STX3: variants seen among roughly 807,000 people sequenced by gnomAD.
STX3 encodes the protein syntaxin 3.
Under a neutral mutation model 40.2 loss-of-function variants are expected in STX3, and 19 were observed. The observed-to-expected ratio is 0.47, with a 90% CI of 0.33 to 0.69. The LOEUF is 0.69. STX3 is among the 30% of genes least tolerant of loss of function. The pLI is 0.02. For synonymous variants in STX3, 122 were observed against 132.2 expected, an observed-to-expected ratio of 0.92 and a Z score of 0.53; for missense variants, 364 against 366.7, an observed-to-expected ratio of 0.99 and a Z score of 0.06.
upstream of STX3, chr11:59,754,759 G>GT: frequency 6.6e-6 from 1 of 152,294 alleles, no homozygotes; most frequent in Admixed American, 6.5e-5. Context: ...TCTGCAAATT[G>GT]TGAGTGCCAA....
chr11:59,792,304 G>GACT, intron 6 of STX3, 89 bp downstream of exon 6: 1 of 1,101,266 alleles, frequency 9.1e-7, no homozygotes, highest in Non-Finnish European at 1.4e-6. Context: ...GGAGCAAGCA[G>GACT]GAAGCACATT....
At chr11:59,766,992 T>C (rs1305021375) in intron 1 of STX3, among the ~76,000 whole-genome samples, 1 of 152,166 alleles carries the variant, frequency 6.6e-6, no homozygotes, top group Admixed American at 6.5e-5. Context: ...TATGAGCTAA[T>C]GAAGAGAGGA....
chr11:59,774,854 A>G (rs1205039260), intron 2 of STX3, among the ~76,000 whole-genome samples: 1 of 152,116 alleles, frequency 6.6e-6, no homozygotes, highest in African/African-American at 2.4e-5. Context: ...AACAACAAAA[A>G]CCAAGAGGAA....
intron 1 of STX3, 118 bp downstream of exon 1, chr11:59,755,753 A>G: frequency 7.4e-7 from 1 of 1,346,438 alleles, no homozygotes; most frequent in Non-Finnish European, 9.7e-7. Context: ...GCCCTCCCCA[A>G]GCCCCCACCG....
At chr11:59,772,257 A>G (rs1454986118) in intron 1 of STX3, among the ~76,000 whole-genome samples, 2 of 152,240 alleles carry the variant, frequency 1.3e-5, no homozygotes, top group African/African-American at 4.8e-5. Context: ...GTGCTTAGAA[A>G]TCAGCAATGT....
chr11:59,771,724 A>G (rs915270177), intron 1 of STX3, among the ~76,000 whole-genome samples: 3 of 152,100 alleles, frequency 2.0e-5, no homozygotes, highest in African/African-American at 7.2e-5. Context: ...TAGAGTGTGC[A>G]TCATAGAAGG....
At chr11:59,774,586 A>G (rs1863849833) in intron 2 of STX3, among the ~76,000 whole-genome samples, 1 of 152,170 alleles carries the variant, frequency 6.6e-6, no homozygotes, top group African/African-American at 2.4e-5. Context: ...TAATCCCAGC[A>G]CTTTGGGGGG....
intron 1 of STX3, among the ~76,000 whole-genome samples, chr11:59,759,800 A>G (rs1411582229): frequency 4.6e-5 from 7 of 152,212 alleles, no homozygotes; most frequent in Non-Finnish European, 2.9e-5. Flanking sequence ...TTGTGGAATC[A>G]TAGTTCCTTA....
chr11:59,794,305 C>A (rs1397289643), intron 8 of STX3, among the ~76,000 whole-genome samples: 1 of 152,190 alleles, frequency 6.6e-6, no homozygotes, highest in South Asian at 2.1e-4. Context: ...TAGATGGTTC[C>A]TAGTTCTTAT....
At position 59,804,109 on chromosome 11, in the gene STX3, G is replaced by A. The variant is rs1019952721; in HGVS notation, c.*3285G>A. 1 of 151,796 alleles carries A rather than the reference G, an allele frequency of 6.6e-6. No individual in the cohort carries two copies. The highest frequency in any genetic ancestry group is 1.5e-5 in the Non-Finnish European group (1 of 68,092). 9.4% of individuals were successfully genotyped at this position (151,796 alleles called of 1,614,324 possible). A position where few individuals can be genotyped will look rare whatever the true frequency, so the allele number is the denominator to read the frequency against. The stretch of plus-strand genomic sequence containing the variant: ...CAGGGTAGAGAAGCAAGCAGAGTGG[G>A]CGCCTCTTTAGGAAGTGACACAGCC... On this transcript the variant is annotated 3_prime_UTR_variant, in exon 11 of 11. Coordinates refer to ENST00000337979, the MANE Select transcript of STX3 (RefSeq NM_004177.5).
intron 1 of STX3, among the ~76,000 whole-genome samples, chr11:59,772,002 C>T (rs772202029): frequency 5.3e-5 from 8 of 152,182 alleles, no homozygotes; most frequent in Non-Finnish European, 8.8e-5. Flanking sequence ...AGACTGTCCA[C>T]ATGGCTGGAG....
At chr11:59,766,356 G>A (rs1052757502) in intron 1 of STX3, among the ~76,000 whole-genome samples, 1 of 152,202 alleles carries the variant, frequency 6.6e-6, no homozygotes, top group African/African-American at 2.4e-5. Context: ...ATCTATTTCT[G>A]TGATTTTCCA....
intron 1 of STX3, among the ~76,000 whole-genome samples, chr11:59,771,404 C>T (rs1316450174): frequency 8.6e-6 from 1 of 115,826 alleles, no homozygotes; most frequent in African/African-American, 3.9e-5. Context: ...CCCCCCACCT[C>T]CCCCCCCCCG....
Position 59,787,132 on chromosome 11 carries a change from G to T in STX3, c.210G>T (p.Glu70Asp). The T allele has an allele frequency of 6.2e-7, 1 of 1,613,832 alleles. No homozygotes were observed. The change falls in exon 3 of 11, where the codon GAG (glutamate) becomes GAT (aspartate). Residue 70 changes from glutamate to aspartate, a missense_variant. Coordinates refer to ENST00000337979, the MANE Select transcript of STX3 (RefSeq NM_004177.5). ...TCATTCTCTCTGCACCGATTCCAGA[G>T]CCAAGTGAGTGTTTACTTAGAACTG... ...YSIILSAPIP[E>D]PKTKDDLEQL...
intron 1 of STX3, among the ~76,000 whole-genome samples, chr11:59,760,269 T>A (rs1862961028): frequency 6.6e-6 from 1 of 152,166 alleles, no homozygotes; most frequent in African/African-American, 2.4e-5. Flanking sequence ...CAAAGCTTCC[T>A]CCCTGCCTTT....
intron 1 of STX3, among the ~76,000 whole-genome samples, chr11:59,767,467 C>T (rs1863338609): frequency 6.6e-6 from 1 of 152,278 alleles, no homozygotes; most frequent in African/African-American, 2.4e-5. Flanking sequence ...GCATTGTGTG[C>T]TTTCCTTGCC....
chr11:59,755,316 C>A (rs1323702509), upstream of STX3: 3 of 267,336 alleles, frequency 1.1e-5, no homozygotes, highest in East Asian at 6.9e-5. Context: ...GCGAGGGGCG[C>A]GGCCAGGTAG....
At chr11:59,773,950 A>C in intron 2 of STX3, among the ~76,000 whole-genome samples, 1 of 146,132 alleles carries the variant, frequency 6.8e-6, no homozygotes, top group Admixed American at 7.0e-5. Flanking sequence ...AGCCTGGGTG[A>C]CAGAGTGAGA....
intron 1 of STX3, among the ~76,000 whole-genome samples, chr11:59,769,977 G>A (rs1258408827): frequency 6.6e-6 from 1 of 150,668 alleles, no homozygotes; most frequent in Admixed American, 6.6e-5. Context: ...GCTTGCAGAT[G>A]TGTGTGGGAG....
Sources: gnomAD v4.1 joint callset for allele counts (sites outside exome capture counted in the v4.1 genomes callset) on GRCh38, gnomAD v4.1.1 for gene constraint, MANE v1.5 for transcripts, NCBI Gene and HGNC (gene_info 2026-07-23, HGNC 2026-07-21) for gene names.